The following SPTLC2 variants were observed in gnomAD, a reference collection of about 807,000 sequenced individuals.
The protein encoded by SPTLC2 is serine palmitoyltransferase long chain base subunit 2.
In SPTLC2, 21 loss-of-function variants were observed where a neutral mutation model predicts 62.0. The ratio of observed to expected loss-of-function variants is 0.34; its 90% CI spans 0.24 to 0.49. SPTLC2 has a LOEUF of 0.49. Ranked by LOEUF, SPTLC2 falls within the 20% of genes least tolerant of loss-of-function variation. SPTLC2 has a pLI of 0.99. For synonymous variants in SPTLC2, 261 were observed against 261.8 expected, an observed-to-expected ratio of 1.00 and a Z score of 0.03; for missense variants, 511 against 713.0, an observed-to-expected ratio of 0.72 and a Z score of 3.23.
chr14:77,531,454 TCCTCCTCCTCCTCCTCCTCCCCCTCCC>T (rs1280848938), intron 9 of SPTLC2, among the ~76,000 whole-genome samples: 1 of 122,890 alleles, frequency 8.1e-6, no homozygotes, highest in Non-Finnish European at 1.7e-5. Flanking sequence ...CTCCTCCTTC[TCCTCCTCCTCCTCCTCCTCCCCCTCCC>T]CCTCCTCCTC....
At position 77,539,565 on chromosome 14, in the gene SPTLC2, T is replaced by C. The variant is rs1283236139; in HGVS notation, c.1303+12531A>G. Among the ~76,000 whole-genome samples, 3 of 146,038 alleles carry C rather than the reference T, an allele frequency of 2.1e-5. No individual in the cohort carries two copies. In the East Asian group the frequency reaches 6.3e-4, roughly 31 times the overall value. ...AGTACAGTGGTGTGATCTCGGTTCA[T>C]TGCAACCTCTGGCTCCTGGGCTCAA... On this transcript the variant is annotated intron_variant, in intron 9 of 11. Transcript: ENST00000216484.
At chr14:77,555,652 A>G (rs1236836179) in intron 7 of SPTLC2, 133 bp from the exon 8 acceptor site, 2 of 916,082 alleles carry the variant, frequency 2.2e-6, no homozygotes, top group Admixed American at 4.4e-5. Context: ...GTTTTGCTCC[A>G]TTGTCCAGGC....
At chr14:77,604,022 A>G (rs1397438253) in intron 1 of SPTLC2, among the ~76,000 whole-genome samples, 1 of 152,160 alleles carries the variant, frequency 6.6e-6, no homozygotes, top group Non-Finnish European at 1.5e-5. Context: ...CACGTGCTCC[A>G]GTCTGGTTTT....
At position 77,522,495 on chromosome 14, in the gene SPTLC2, A is replaced by C. The variant is rs74063216; in HGVS notation, c.1304-914T>G. On this transcript the variant is annotated intron_variant, in intron 9 of 11. Coordinates refer to ENST00000216484, the MANE Select transcript of SPTLC2 (RefSeq NM_004863.4). ...TTAAAATTCTTACCAGACAACAGTAACATATCTGTAATAGTATAAAATCGT... is the reference window on the plus strand; with the variant it reads ...TTAAAATTCTTACCAGACAACAGTACCATATCTGTAATAGTATAAAATCGT... Among the ~76,000 whole-genome samples the C allele has an allele frequency of 4.9e-3, 744 of 152,324 alleles. 5 individuals are homozygous for C. Among genetic ancestry groups the C allele is most frequent in the African/African-American group, 0.016 (685 of 41,568 alleles).
intron 9 of SPTLC2, among the ~76,000 whole-genome samples, chr14:77,526,635 A>G (rs1420566299): frequency 6.6e-6 from 1 of 151,644 alleles, no homozygotes; most frequent in East Asian, 1.9e-4. Flanking sequence ...GGCATGGAAG[A>G]GACAGAGAAA....
At position 77,508,054 on chromosome 14, in the gene SPTLC2, G is replaced by C. The variant is rs1241210195; in HGVS notation, c.*4230C>G. The stretch of plus-strand genomic sequence containing the variant: ...TTTTTTCCCCCTCTTATTGAGCCAG[G>C]GTCTCACTCTGTCACCCAGGCTGGA... On this transcript the variant is annotated 3_prime_UTR_variant, in exon 12 of 12. Coordinates refer to ENST00000216484, the MANE Select transcript of SPTLC2 (RefSeq NM_004863.4). 1 of 152,206 alleles carries C rather than the reference G, an allele frequency of 6.6e-6. No homozygotes were observed. The highest frequency in any genetic ancestry group is 2.1e-4 in the South Asian group (1 of 4,816). 9.4% of individuals were successfully genotyped at this position (152,206 alleles called of 1,614,324 possible).
rs116798446 is a variant in SPTLC2 at position 77,612,640 on chromosome 14, T to C, written c.132+3808A>G. On this transcript the variant is annotated intron_variant, in intron 1 of 11. Coordinates refer to ENST00000216484, the MANE Select transcript of SPTLC2 (RefSeq NM_004863.4). ...CTAGCCTCATAACTATCGTCTCCTT[T>C]TCCTTAACTATCACATATAAACCCC... Among the ~76,000 whole-genome samples the C allele has an allele frequency of 2.1e-3, 318 of 152,342 alleles. 1 individual carries two copies. Among genetic ancestry groups the C allele is most frequent in the African/African-American group, 7.3e-3 (302 of 41,578 alleles).
chr14:77,574,721 C>T (rs1303020516), intron 4 of SPTLC2, among the ~76,000 whole-genome samples: 1 of 152,126 alleles, frequency 6.6e-6, no homozygotes, highest in African/African-American at 2.4e-5. Context: ...AAATATTGTG[C>T]TAGTGAAGGA....
chr14:77,525,037 A>C (rs1240704917), intron 9 of SPTLC2, among the ~76,000 whole-genome samples: 2 of 152,230 alleles, frequency 1.3e-5, no homozygotes, highest in Non-Finnish European at 2.9e-5. Flanking sequence ...GTTTGCGGTG[A>C]CACATATCCA....
intron 9 of SPTLC2, among the ~76,000 whole-genome samples, chr14:77,529,620 C>CTTTTTTT (rs71452856): frequency 5.1e-4 from 39 of 75,982 alleles, no homozygotes; most frequent in Non-Finnish European, 6.3e-4. Flanking sequence ...TTCTTTCTTT[C>CTTTTTTT]TTTTTTTTTT....
Position 77,597,224 on chromosome 14 carries a change from C to T in SPTLC2, c.289G>A (p.Glu97Lys). 1 of 1,614,144 alleles carries T rather than the reference C, an allele frequency of 6.2e-7. No homozygotes were observed. The highest frequency in any genetic ancestry group is 8.5e-7 in the Non-Finnish European group (1 of 1,180,032). The change falls in exon 2 of 12, where the codon GAA becomes AAA. Residue 97 changes from glutamate to lysine, a missense_variant. By Grantham distance (56) the Glu-to-Lys change is moderately conservative (BLOSUM62 1). Transcript: ENST00000216484. ...LRDFLRYWRI[E>K]KCHHATEREE... is the part of the protein sequence containing the mutation. ...CTTTCTGTTGCATGGTGACACTTTT[C>T]AATTCTCCAATACCTCAAGAAATCT...
At chr14:77,521,425 G>A (rs2079384334) in intron 10 of SPTLC2, 21 bp downstream of exon 10, 1 of 1,614,030 alleles carries the variant, frequency 6.2e-7, no homozygotes, top group Non-Finnish European at 8.5e-7. Flanking sequence ...AGACTGGTCT[G>A]TGATCTGCAA....
At chr14:77,598,480 T>C (rs1202697990) in intron 1 of SPTLC2, among the ~76,000 whole-genome samples, 2 of 152,202 alleles carry the variant, frequency 1.3e-5, no homozygotes, top group African/African-American at 4.8e-5. Flanking sequence ...TGTAAAATAT[T>C]TGTAAATGTT....
At chr14:77,526,665 T>C (rs1055206584) in intron 9 of SPTLC2, among the ~76,000 whole-genome samples, 2 of 152,226 alleles carry the variant, frequency 1.3e-5, no homozygotes, top group Non-Finnish European at 1.5e-5. Context: ...GTAGTTAATT[T>C]CTTGGAAAAT....
In SPTLC2 at chr14:77,507,640, A is replaced by G. The variant is rs2079312175; in HGVS notation, c.*4644T>C. The stretch of plus-strand genomic sequence containing the variant: ...CCACTGCGCCCAGCCATGGGCACAT[A>G]TTTCATGTGGATAAAGTTGAGGCGA... On this transcript the variant is annotated 3_prime_UTR_variant, in exon 12 of 12. Coordinates refer to ENST00000216484, the MANE Select transcript of SPTLC2 (RefSeq NM_004863.4). 2 of 152,318 alleles carry G rather than the reference A, an allele frequency of 1.3e-5. No individual in the cohort carries two copies. Among genetic ancestry groups the G allele is most frequent in the African/African-American group, 2.4e-5 (1 of 41,566 alleles). 9.4% of individuals were successfully genotyped at this position (152,318 alleles called of 1,614,324 possible). A position where few individuals can be genotyped will look rare whatever the true frequency, so the allele number is the denominator to read the frequency against.
intron 2 of SPTLC2, among the ~76,000 whole-genome samples, chr14:77,593,746 G>C (rs2079831672): frequency 6.6e-6 from 1 of 152,162 alleles, no homozygotes; most frequent in Non-Finnish European, 1.5e-5. Flanking sequence ...ATGTGGTTAT[G>C]AATACCACTC....
At chr14:77,531,490 T>TCCC (rs1566770811) in intron 9 of SPTLC2, among the ~76,000 whole-genome samples, 1 of 66,498 alleles carries the variant, frequency 1.5e-5, no homozygotes, top group Non-Finnish European at 2.8e-5. Flanking sequence ...CCCCTCCTCC[T>TCCC]CCTCCTCCTC....
At position 77,511,431 on chromosome 14, in the gene SPTLC2, G is replaced by A. The variant is rs2079331535; in HGVS notation, c.*853C>T. On this transcript the variant is annotated 3_prime_UTR_variant, in exon 12 of 12. Transcript: ENST00000216484. ...TGCCCCTGCCCCTCACCCACCAGGA[G>A]TGCACATCACTCTACGGAGCAGCTT... 1 of 152,334 alleles carries A rather than the reference G, an allele frequency of 6.6e-6. No individual in the cohort carries two copies. The highest frequency in any genetic ancestry group is 2.4e-5 in the African/African-American group (1 of 41,446). 9.4% of individuals were successfully genotyped at this position (152,334 alleles called of 1,614,324 possible). A position where few individuals can be genotyped will look rare whatever the true frequency, so the allele number is the denominator to read the frequency against.
chr14:77,512,292 C>T lies in SPTLC2; in HGVS notation c.1681G>A (p.Glu561Lys), dbSNP rs1484082947. The change falls in exon 12 of 12, where the codon GAA (glutamate) becomes AAA (lysine). Residue 561 changes from glutamate to lysine, a missense_variant. By Grantham distance (56) the Glu-to-Lys change is moderately conservative (BLOSUM62 1). Coordinates refer to ENST00000216484, the MANE Select transcript of SPTLC2 (RefSeq NM_004863.4). ...GGGAGCACCAAAAAGGCTCAGTCTTCTGTTTCTTCATACGTCGTCTCGTCA... is the reference window on the plus strand; with the variant it reads ...GGGAGCACCAAAAAGGCTCAGTCTTTTGTTTCTTCATACGTCGTCTCGTCA... ...PFDETTYEET[E>K]D 6.2e-7 allele frequency: 1 copy of T among 1,613,962 alleles called. No homozygotes were observed. The highest frequency in any genetic ancestry group is 1.3e-5 in the African/African-American group (1 of 74,912).
Sources: allele counts gnomAD v4.1 joint callset (sites outside exome capture counted in the v4.1 genomes callset), GRCh38; gene constraint gnomAD v4.1.1; transcripts MANE v1.5; gene names NCBI Gene and HGNC (gene_info 2026-07-23, HGNC 2026-07-21).